Variants in CSMD1 observed in about 807,000 individuals in gnomAD.
The protein encoded by CSMD1 is CUB and Sushi multiple domains 1.
A neutral mutation model predicts 417.5 loss-of-function variants in CSMD1; 213 were observed. The ratio of observed to expected loss-of-function variants is 0.51; its 90% CI spans 0.46 to 0.57. CSMD1 has a LOEUF of 0.57. Ranked by LOEUF, CSMD1 falls within the 20% of genes least tolerant of loss-of-function variation. The pLI is 0.00. For missense variants in CSMD1, 6,923 were observed against 4,529.7 expected (o/e 1.53, Z -15.17); for synonymous variants, 2,862 against 1,736.8 (o/e 1.65, Z -16.11).
rs543433861 is a variant in CSMD1, at chr8:4,565,168, A to C, written c.302+72174T>G. On this transcript the variant is annotated intron_variant, in intron 2 of 69. Transcript: ENST00000635120. ...CAGCCTCAGACTGATTTGACTTTCC[A>C]ATGATGAAAAACAATAACAATAGCT... 3.9e-5 allele frequency among the ~76,000 whole-genome samples: 6 copies of C among 152,352 alleles called. No homozygotes were observed. In the East Asian group the frequency reaches 1.2e-3, roughly 29 times the overall value.
intron 10 of CSMD1, among the ~76,000 whole-genome samples, chr8:3,539,872 C>T (rs573659987): frequency 3.3e-5 from 5 of 152,032 alleles, no homozygotes; most frequent in East Asian, 1.9e-4. Context: ...TTCGACCAAA[C>T]GAACTTAGAA....
At position 3,406,037 on chromosome 8, in the gene CSMD1, G is replaced by C. The variant is rs1358572145; in HGVS notation, c.2256C>G (p.Pro752=). The C allele has an allele frequency of 1.2e-6, 2 of 1,613,788 alleles. No individual in the cohort carries two copies. The highest frequency in any genetic ancestry group is 1.3e-5 in the African/African-American group (1 of 75,048). Residue 752 remains proline (P), a synonymous_variant, in exon 15 of 70, where the codon CCC becomes CCG. Transcript: ENST00000635120. The part of the protein sequence containing the change: ...DGNVVWSSTV[P]RCEAPCGGHL... ...TGGCAGGGACTGCACCTTCACAGCG[G>C]GGCACGGTGGAGCTCCAGACCACGT...
chr8:3,927,580 G>C (rs570301702), intron 5 of CSMD1, among the ~76,000 whole-genome samples: 4 of 149,518 alleles, frequency 2.7e-5, no homozygotes. Flanking sequence ...CAGGAGAATC[G>C]CTTGAAACTG....
chr8:3,176,980 G>A (rs904539259), intron 37 of CSMD1, among the ~76,000 whole-genome samples: 1 of 151,896 alleles, frequency 6.6e-6, no homozygotes, highest in African/African-American at 2.4e-5. Context: ...GTTTTGCCAT[G>A]TTGCCCAGGC....
At chr8:4,510,417 A>AAAAAAAAAAAG (rs1802757327) in intron 2 of CSMD1, among the ~76,000 whole-genome samples, 1 of 110,166 alleles carries the variant, frequency 9.1e-6, no homozygotes, top group African/African-American at 3.2e-5. Flanking sequence ...AAAAAAAAAA[A>AAAAAAAAAAAG]AAAAAGCAAA....
chr8:3,327,002 C>A (rs1022239866), intron 23 of CSMD1, among the ~76,000 whole-genome samples: 2 of 151,742 alleles, frequency 1.3e-5, no homozygotes, highest in Non-Finnish European at 2.9e-5. Context: ...TAGAGCAAGA[C>A]CCTACTCTCC....
At chr8:4,087,717 C>G (rs138823805) in intron 3 of CSMD1, among the ~76,000 whole-genome samples, 5 of 152,158 alleles carry the variant, frequency 3.3e-5, no homozygotes, top group African/African-American at 1.2e-4. Context: ...CTCCCACACT[C>G]TCAACCGCAC....
At chr8:3,422,982 G>A (rs1302725103) in intron 12 of CSMD1, among the ~76,000 whole-genome samples, 2 of 152,148 alleles carry the variant, frequency 1.3e-5, no homozygotes, top group Admixed American at 6.5e-5. Flanking sequence ...AGCTCTTACT[G>A]CTACCAAATT....
intron 1 of CSMD1, among the ~76,000 whole-genome samples, chr8:4,849,030 G>A (rs553651600): frequency 6.6e-6 from 1 of 152,222 alleles, no homozygotes; most frequent in African/African-American, 2.4e-5. Context: ...GGAGATGACA[G>A]CTCTACACCT....
intron 5 of CSMD1, among the ~76,000 whole-genome samples, chr8:3,804,549 T>C (rs1029286881): frequency 3.3e-5 from 5 of 152,206 alleles, no homozygotes; most frequent in African/African-American, 4.8e-5. Flanking sequence ...TAAATGAGAT[T>C]AGCAAAATGC....
intron 49 of CSMD1, among the ~76,000 whole-genome samples, chr8:3,067,715 G>A (rs1336260677): frequency 1.3e-5 from 2 of 151,066 alleles, no homozygotes; most frequent in African/African-American, 4.9e-5. Context: ...CAATAAACGA[G>A]TGGTTTTAAC....
At chr8:4,909,060 A>G (rs2117080021) in intron 1 of CSMD1, among the ~76,000 whole-genome samples, 1 of 152,218 alleles carries the variant, frequency 6.6e-6, no homozygotes, top group East Asian at 1.9e-4. Context: ...TAGCATGAAG[A>G]TTTGTGTTAA....
At chr8:3,891,455 G>A (rs1427338446) in intron 5 of CSMD1, among the ~76,000 whole-genome samples, 2 of 152,092 alleles carry the variant, frequency 1.3e-5, no homozygotes, top group African/African-American at 4.8e-5. Context: ...CAAGGTGGCA[G>A]AATTTCCTGT....
chr8:4,872,560 C>A (rs775093593), intron 1 of CSMD1, among the ~76,000 whole-genome samples: 39 of 152,024 alleles, frequency 2.6e-4, no homozygotes, highest in Non-Finnish European at 2.1e-4. Context: ...CCCAACCCTG[C>A]AGAACTGTGA....
chr8:3,219,301 C>T lies in CSMD1; in HGVS notation c.4626G>A (p.Arg1542=). The T allele has an allele frequency of 2.5e-6, 4 of 1,593,388 alleles. No individual in the cohort carries two copies. Among genetic ancestry groups the T allele is most frequent in the Non-Finnish European group, 3.4e-6 (4 of 1,169,036 alleles). The change falls in exon 29 of 70, where the codon CGG becomes CGA. Residue 1542 remains arginine (R), a synonymous_variant. Transcript: ENST00000635120. The part of the protein sequence containing the change: ...SSGNSLFLAF[R]SDASVGLSGF... Reference sequence around the variant, plus strand: ...CTGAAAGGCCCACGGAGGCATCACTCCGAAATGCCAGAAACAGGCTGTTTC... The same window carrying T: ...CTGAAAGGCCCACGGAGGCATCACTTCGAAATGCCAGAAACAGGCTGTTTC...
chr8:4,971,819 A>T (rs1222032433), intron 1 of CSMD1, among the ~76,000 whole-genome samples: 2 of 152,112 alleles, frequency 1.3e-5, no homozygotes, highest in Non-Finnish European at 2.9e-5. Context: ...GAATTTAAAG[A>T]TAAGTTGATT....
intron 1 of CSMD1, among the ~76,000 whole-genome samples, chr8:4,889,916 T>G (rs1482468113): frequency 6.0e-5 from 9 of 150,466 alleles, no homozygotes; most frequent in Non-Finnish European, 1.5e-5. Context: ...CAGAGCCAGT[T>G]TTGGAATGTG....
chr8:4,295,881 C>G (rs999831577), intron 3 of CSMD1, among the ~76,000 whole-genome samples: 1 of 150,418 alleles, frequency 6.6e-6, no homozygotes, highest in Non-Finnish European at 1.5e-5. Flanking sequence ...GTACAATGCT[C>G]TTGTCTTTTC....
chr8:4,579,260 T>C (rs909672650), intron 2 of CSMD1, among the ~76,000 whole-genome samples: 4 of 146,252 alleles, frequency 2.7e-5, no homozygotes, highest in African/African-American at 9.8e-5. Flanking sequence ...CATACATACA[T>C]ATATATACAT....
Sources: gnomAD v4.1 joint callset for allele counts (sites outside exome capture counted in the v4.1 genomes callset) on GRCh38, gnomAD v4.1.1 for gene constraint, MANE v1.5 for transcripts, NCBI Gene and HGNC (gene_info 2026-07-23, HGNC 2026-07-21) for gene names.